Variants in GRM1 observed in about 807,000 individuals in gnomAD.
GRM1 encodes the protein metabotropic glutamate receptor 1.
In GRM1, 33 loss-of-function variants were observed where a neutral mutation model predicts 90.9. That is an observed-to-expected ratio of 0.36 (90% confidence interval 0.28 to 0.49). GRM1 has a LOEUF of 0.49. GRM1 is among the 20% of genes least tolerant of loss of function. The pLI is 0.99. For missense variants in GRM1, 1,190 were observed against 1,534.3 expected (o/e 0.78, Z 3.75); for synonymous variants, 700 against 613.2 (o/e 1.14, Z -2.09).
At chr6:146,429,775 C>G (rs1258058233) in intron 7 of GRM1, among the ~76,000 whole-genome samples, 1 of 152,104 alleles carries the variant, frequency 6.6e-6, no homozygotes, top group Non-Finnish European at 1.5e-5. Context: ...ATGGTGTTTT[C>G]CGTTTCCATT....
intron 1 of GRM1, among the ~76,000 whole-genome samples, chr6:146,097,477 A>G (rs1340322061): frequency 1.2e-4 from 19 of 152,202 alleles, no homozygotes; most frequent in Non-Finnish European, 1.6e-4. Context: ...ATAGAATTTC[A>G]TAAATAATTC....
At chr6:146,111,653 T>C (rs528609685) in intron 1 of GRM1, among the ~76,000 whole-genome samples, 1 of 152,238 alleles carries the variant, frequency 6.6e-6, no homozygotes, top group East Asian at 1.9e-4. Flanking sequence ...AACTTAAGGC[T>C]TGAGATAGCC....
At position 146,352,378 on chromosome 6, in the gene GRM1, T is replaced by C; in HGVS notation, c.1315T>C (p.Cys439Arg). 1 of 1,614,118 alleles carries C rather than the reference T, an allele frequency of 6.2e-7. No individual in the cohort carries two copies. The highest frequency in any genetic ancestry group is 8.5e-7 in the Non-Finnish European group (1 of 1,179,920). The stretch of plus-strand genomic sequence containing the variant: ...CCTCTGCCCTGGCCACGTGGGCCTC[T>C]GCGATGCCATGAAGCCCATCGACGG... Reference protein sequence around the residue: ...HALCPGHVGLCDAMKPIDGSK... With the variant: ...HALCPGHVGLRDAMKPIDGSK... The change falls in exon 4 of 8, where the codon TGC (cysteine) becomes CGC (arginine). Residue 439 changes from cysteine to arginine, a missense_variant. This residue lies in a region of GRM1 where 414 missense variants were observed against 598.4 expected (regional missense o/e 0.69). Coordinates refer to ENST00000282753, the MANE Select transcript of GRM1 (RefSeq NM_001278064.2).
intron 1 of GRM1, among the ~76,000 whole-genome samples, chr6:146,116,068 A>C (rs536851840): frequency 1.3e-5 from 2 of 152,278 alleles, no homozygotes; most frequent in East Asian, 3.9e-4. Context: ...CTCTTCCCTC[A>C]GCCTCCCAAG....
chr6:146,430,862 C>A (rs1778381784), intron 7 of GRM1, among the ~76,000 whole-genome samples: 1 of 152,198 alleles, frequency 6.6e-6, no homozygotes, highest in Admixed American at 6.5e-5. Flanking sequence ...TTTAGTTACA[C>A]ATGTATTGAA....
In GRM1 at chr6:146,204,361, G is replaced by A. The variant is rs565386558; in HGVS notation, c.950+44764G>A. Reference sequence around the variant, plus strand: ...TGAACGTTTACGGTTAGCAAAGAAAGTACACATAAGCACAGAAAAATCTAT... The same window carrying A: ...TGAACGTTTACGGTTAGCAAAGAAAATACACATAAGCACAGAAAAATCTAT... On this transcript the variant is annotated intron_variant, in intron 2 of 7. Transcript: ENST00000282753. Among the ~76,000 whole-genome samples, 18 of 152,244 alleles carry A rather than the reference G, an allele frequency of 1.2e-4. No individual in the cohort carries two copies. The South Asian group carries it at 3.7e-3, about 32-fold the overall frequency.
chr6:146,052,362 C>G (rs1179707536), intron 1 of GRM1, among the ~76,000 whole-genome samples: 1 of 151,918 alleles, frequency 6.6e-6, no homozygotes, highest in African/African-American at 2.4e-5. Flanking sequence ...CTGCTCATTA[C>G]ATTTATCTAG....
At chr6:146,244,588 A>G (rs1386198447) in intron 2 of GRM1, among the ~76,000 whole-genome samples, 1 of 152,196 alleles carries the variant, frequency 6.6e-6, no homozygotes. Flanking sequence ...CTTTCCTTCT[A>G]TTCCAGCTAC....
intron 3 of GRM1, among the ~76,000 whole-genome samples, chr6:146,344,293 G>T (rs765732968): frequency 6.6e-6 from 1 of 152,160 alleles, no homozygotes; most frequent in Non-Finnish European, 1.5e-5. Flanking sequence ...TATCTATAGT[G>T]CAGTGCTTAT....
intron 2 of GRM1, among the ~76,000 whole-genome samples, chr6:146,289,599 T>C (rs1192677513): frequency 6.6e-6 from 1 of 152,202 alleles, no homozygotes; most frequent in Non-Finnish European, 1.5e-5. Context: ...TACTAGGCCT[T>C]CACATTCACT....
intron 1 of GRM1, among the ~76,000 whole-genome samples, chr6:146,067,731 A>AAAAAC (rs1446369270): frequency 1.3e-5 from 2 of 152,168 alleles, no homozygotes; most frequent in Non-Finnish European, 2.9e-5. Flanking sequence ...ACATTCTTAA[A>AAAAAC]AAAACAAAAC....
intron 2 of GRM1, among the ~76,000 whole-genome samples, chr6:146,253,700 C>T (rs1208542579): frequency 6.6e-6 from 1 of 152,112 alleles, no homozygotes; most frequent in Non-Finnish European, 1.5e-5. Flanking sequence ...GACTCCTGAA[C>T]TTTTTCCTGA....
chr6:146,255,947 A>G (rs1781462595), intron 2 of GRM1, among the ~76,000 whole-genome samples: 1 of 152,052 alleles, frequency 6.6e-6, no homozygotes, highest in Non-Finnish European at 1.5e-5. Flanking sequence ...TATTTGTTTC[A>G]GTTGGTTTCC....
chr6:146,368,496 G>A (rs1326521406), intron 5 of GRM1, among the ~76,000 whole-genome samples: 4 of 151,984 alleles, frequency 2.6e-5, no homozygotes, highest in South Asian at 2.1e-4. Flanking sequence ...TCAGTAAAAT[G>A]TCAGCTGTGG....
intron 3 of GRM1, among the ~76,000 whole-genome samples, chr6:146,325,511 C>T (rs921609494): frequency 6.6e-6 from 1 of 152,178 alleles, no homozygotes; most frequent in Non-Finnish European, 1.5e-5. Context: ...TTTATTTACA[C>T]CTTACCCTAG....
intron 2 of GRM1, among the ~76,000 whole-genome samples, chr6:146,268,170 A>G (rs1781988370): frequency 1.3e-5 from 2 of 152,114 alleles, no homozygotes; most frequent in African/African-American, 2.4e-5. Flanking sequence ...CACTTATCTC[A>G]AGATTTTTGT....
intron 5 of GRM1, among the ~76,000 whole-genome samples, chr6:146,368,182 A>G (rs1775763498): frequency 6.9e-6 from 1 of 144,904 alleles, no homozygotes; most frequent in South Asian, 2.2e-4. Context: ...GCATATAGAC[A>G]TGCCACTAAT....
chr6:146,295,141 G>C (rs145790476), intron 2 of GRM1, among the ~76,000 whole-genome samples: 1 of 152,076 alleles, frequency 6.6e-6, no homozygotes, highest in Non-Finnish European at 1.5e-5. Flanking sequence ...TGATTGTTTA[G>C]AATTGGATTA....
intron 2 of GRM1, among the ~76,000 whole-genome samples, chr6:146,214,550 A>G (rs562409127): frequency 6.6e-6 from 1 of 152,284 alleles, no homozygotes; most frequent in East Asian, 1.9e-4. Flanking sequence ...CAAAGACCCA[A>G]AAAGGATATG....
Sources: allele counts gnomAD v4.1 joint callset (sites outside exome capture counted in the v4.1 genomes callset), GRCh38; gene constraint gnomAD v4.1.1; regional missense constraint gnomAD v4.1.1; transcripts MANE v1.5; gene names NCBI Gene and HGNC (gene_info 2026-07-23, HGNC 2026-07-21).